The following SOBP variants were observed in gnomAD, a reference collection of about 807,000 sequenced individuals.
SOBP encodes the protein sine oculis binding protein homolog.
SOBP carries 4 observed loss-of-function variants against 53.6 expected under a neutral mutation model. That is an observed-to-expected ratio of 0.07 (90% CI 0.04 to 0.17). The LOEUF (loss-of-function observed/expected upper bound fraction) is 0.17. Ranked by LOEUF, SOBP falls within the 10% of genes least tolerant of loss-of-function variation. SOBP has a pLI of 1.00. For missense variants in SOBP, 1,088 were observed against 1,204.7 expected, an observed-to-expected ratio of 0.90 and a Z score of 1.43; for synonymous variants, 584 against 522.6, an observed-to-expected ratio of 1.12 and a Z score of -1.60.
rs752111197 is a variant in SOBP, at chr6:107,635,271, C to G, written c.2427C>G (p.Pro809=). The change falls in exon 6 of 7, where the codon CCC becomes CCG. Residue 809 remains proline (P), a synonymous_variant. Transcript: ENST00000317357. The surrounding 1 kb of genome is among the most constrained non-coding windows in gnomAD (Gnocchi z 4.5). ...AGTCAGACCCGAACCTTAATAACCC[C>G]GCGGACGAGGACCATGCCTATGCTC... is the stretch of plus-strand genomic sequence containing the variant. ...GDKSDPNLNN[P]ADEDHAYALR... is the part of the protein sequence containing the mutation. The G allele has an allele frequency of 2.5e-6, 4 of 1,613,808 alleles. No homozygotes were observed. In the African/African-American group the frequency reaches 4.0e-5, roughly 16 times the overall value.
rs112418542 is a variant in SOBP at position 107,549,304 on chromosome 6, A to G, written c.573+15694A>G. Among the ~76,000 whole-genome samples the G allele has an allele frequency of 3.8e-3, 571 of 152,148 alleles. 6 individuals are homozygous for G. Among genetic ancestry groups the G allele is most frequent in the African/African-American group, 0.013 (541 of 41,506 alleles). ...ACAAACAACAACAACAAAAAAAAAC[A>G]GATAAATCCAGAGAATTAATTATAA... On this transcript the variant is annotated intron_variant, in intron 4 of 6. Transcript: ENST00000317357.
rs542329209 is a variant in SOBP at position 107,634,407 on chromosome 6, G to T, written c.1563G>T (p.Pro521=). 2 of 1,602,912 alleles carry T rather than the reference G, an allele frequency of 1.2e-6. No individual in the cohort carries two copies. The highest frequency in any genetic ancestry group is 8.5e-7 in the Non-Finnish European group (1 of 1,179,416). ...LPSLAPLVPP[P]TLLVPYPVIV... ...CGCTTGCCCCGCTGGTGCCGCCCCC[G>T]ACCCTGCTCGTGCCGTACCCCGTGA... is the stretch of plus-strand genomic sequence containing the variant. Residue 521 remains proline (P), a synonymous_variant, in exon 6 of 7, where the codon CCG becomes CCT. Coordinates refer to ENST00000317357, the MANE Select transcript of SOBP (RefSeq NM_018013.4). This position sits in a 1 kb window ranked among gnomAD's most constrained non-coding sequence, Gnocchi z 4.5.
rs1770918318 is a variant in SOBP, at chr6:107,634,705, G to A, written c.1861G>A (p.Val621Met). ...CGCCGAGCATGGCCGGAGCGAGGTG[G>A]TGGACCTGACGCGGCGCGCCGGCAG... The part of the protein sequence containing the change: ...TPAEHGRSEV[V>M]DLTRRAGSPP... The change falls in exon 6 of 7, where the codon GTG becomes ATG. Residue 621 changes from valine (V) to methionine (M), a missense_variant. By Grantham distance (21) the Val-to-Met change is conservative (BLOSUM62 1). This residue lies in a region of SOBP where 665 missense variants were observed against 629.7 expected (regional missense o/e 1.06). Coordinates refer to ENST00000317357, the MANE Select transcript of SOBP (RefSeq NM_018013.4). The surrounding 1 kb of genome is among the most constrained non-coding windows in gnomAD (Gnocchi z 4.5). The A allele has an allele frequency of 1.4e-6, 2 of 1,439,344 alleles. No homozygotes were observed. The highest frequency in any genetic ancestry group is 2.9e-5 in the East Asian group (1 of 33,968). The allele number at this position is 1,439,344 out of a possible 1,614,324, so 89.2% of individuals were successfully genotyped here.
At chr6:107,643,985 T>G (rs1771446171) in intron 6 of SOBP, among the ~76,000 whole-genome samples, 1 of 152,206 alleles carries the variant, frequency 6.6e-6, no homozygotes, top group South Asian at 2.1e-4. Context: ...ACTCAAAAGC[T>G]AAAGTGTTCT....
At chr6:107,507,120 C>T (rs1461181821) in intron 3 of SOBP, among the ~76,000 whole-genome samples, 1 of 151,608 alleles carries the variant, frequency 6.6e-6, no homozygotes, top group Non-Finnish European at 1.5e-5. Context: ...TAAGGAGGGC[C>T]ACATCTCCTC....
At chr6:107,490,770 TG>T (rs1400446557) in intron 1 of SOBP, 58 bp downstream of exon 1, 1 of 1,343,950 alleles carries the variant, frequency 7.4e-7, no homozygotes, top group Admixed American at 2.0e-5. Context: ...CCGCTCCCCG[TG>T]GGCCGTGGTA....
chr6:107,648,883 T>C (rs2086755870), intron 6 of SOBP, among the ~76,000 whole-genome samples: 1 of 152,156 alleles, frequency 6.6e-6, no homozygotes, highest in South Asian at 2.1e-4. Flanking sequence ...TGGTGCTGTA[T>C]TTGATGTAAA....
intron 4 of SOBP, among the ~76,000 whole-genome samples, chr6:107,538,265 A>C (rs777747353): frequency 3.0e-4 from 45 of 152,352 alleles, no homozygotes; most frequent in Non-Finnish European, 4.7e-4. Context: ...AGAACCAAGT[A>C]GTACAGAAGA....
intron 5 of SOBP, among the ~76,000 whole-genome samples, chr6:107,615,948 G>A (rs899433096): frequency 7.3e-5 from 11 of 151,568 alleles, no homozygotes; most frequent in Admixed American, 2.6e-4. Context: ...CTTGAGCCCA[G>A]GAGATCAAGG....
chr6:107,544,940 C>T (rs9398133), intron 4 of SOBP, among the ~76,000 whole-genome samples: 15,119 of 152,174 alleles, frequency 0.099, 998 homozygotes, highest in East Asian at 0.25. Context: ...TAAATCATTT[C>T]GGAGAGTATG....
intron 4 of SOBP, among the ~76,000 whole-genome samples, chr6:107,564,325 T>C (rs868732265): frequency 6.6e-6 from 1 of 152,074 alleles, no homozygotes; most frequent in Non-Finnish European, 1.5e-5. Flanking sequence ...AGGAAGGTGC[T>C]CTCCTTCCAT....
chr6:107,556,213 C>T (rs1784605786), intron 4 of SOBP, among the ~76,000 whole-genome samples: 1 of 152,120 alleles, frequency 6.6e-6, no homozygotes, highest in Non-Finnish European at 1.5e-5. Flanking sequence ...GAAGATGGTT[C>T]CAGTCAAGGG....
chr6:107,648,803 TG>T, intron 6 of SOBP, among the ~76,000 whole-genome samples: 1 of 152,214 alleles, frequency 6.6e-6, no homozygotes, highest in South Asian at 2.1e-4. Flanking sequence ...ATCTGTAAAA[TG>T]GAGATAGTAA....
intron 5 of SOBP, among the ~76,000 whole-genome samples, chr6:107,629,534 T>C (rs1770611724): frequency 6.6e-6 from 1 of 152,226 alleles, no homozygotes; most frequent in South Asian, 2.1e-4. Flanking sequence ...TTGACGTTTA[T>C]ATAAAAATAA....
At position 107,490,514 on chromosome 6, in the gene SOBP, C is replaced by T; in HGVS notation, c.-103C>T. On this transcript the variant is annotated 5_prime_UTR_variant, in exon 1 of 7. Transcript: ENST00000317357. Reference sequence around the variant, plus strand: ...CCGCCAGCACCGCTACCTCCGCCAGCCTCGCCACCATCAGCACCACCTCCA... The same window carrying T: ...CCGCCAGCACCGCTACCTCCGCCAGTCTCGCCACCATCAGCACCACCTCCA... 1.2e-6 allele frequency: 1 copy of T among 809,800 alleles called. No individual in the cohort carries two copies. Among genetic ancestry groups the T allele is most frequent in the Admixed American group, 2.1e-5 (1 of 48,556 alleles). 50.2% of individuals were successfully genotyped at this position (809,800 alleles called of 1,614,324 possible). A position where few individuals can be genotyped will look rare whatever the true frequency, so the allele number is the denominator to read the frequency against.
At chr6:107,518,510 A>G (rs940473698) in intron 3 of SOBP, among the ~76,000 whole-genome samples, 1 of 152,238 alleles carries the variant, frequency 6.6e-6, no homozygotes, top group Admixed American at 6.5e-5. Flanking sequence ...TAATGCAATA[A>G]TTCTATCTTA....
chr6:107,560,640 C>G (rs1784746995), intron 4 of SOBP, among the ~76,000 whole-genome samples: 1 of 152,124 alleles, frequency 6.6e-6, no homozygotes, highest in Non-Finnish European at 1.5e-5. Flanking sequence ...TTGTTTAAGC[C>G]TCATAATGCC....
At chr6:107,591,812 A>G (rs917366917) in intron 5 of SOBP, among the ~76,000 whole-genome samples, 1 of 151,928 alleles carries the variant, frequency 6.6e-6, no homozygotes, top group Non-Finnish European at 1.5e-5. Context: ...TGGGAATCAT[A>G]TAATGAACCC....
intron 6 of SOBP, among the ~76,000 whole-genome samples, chr6:107,648,025 T>C (rs145105270): frequency 1.3e-5 from 2 of 152,308 alleles, no homozygotes; most frequent in East Asian, 3.9e-4. Context: ...TCCCTCCCTC[T>C]CTCTGCTAAT....
Sources: gnomAD v4.1 joint callset for allele counts (sites outside exome capture counted in the v4.1 genomes callset) on GRCh38, gnomAD v4.1.1 for gene constraint, gnomAD v4.1.1 regional missense constraint, Gnocchi (gnomAD v3.1) non-coding constraint, MANE v1.5 for transcripts, NCBI Gene and HGNC (gene_info 2026-07-23, HGNC 2026-07-21) for gene names.